The following WDR49 variants were observed in gnomAD, a reference collection of about 807,000 sequenced individuals.
The protein encoded by WDR49 is cilia- and flagella-associated protein 337.
In WDR49, 107 loss-of-function variants were observed where a neutral mutation model predicts 119.5. The ratio of observed to expected loss-of-function variants is 0.90; its 90% CI spans 0.77 to 1.05. The LOEUF (loss-of-function observed/expected upper bound fraction) is 1.05. Ranked by LOEUF, WDR49 falls within the 50% of genes least tolerant of loss-of-function variation. The pLI is 0.00. For missense variants in WDR49, 1,240 were observed against 1,220.5 expected (o/e 1.02, Z -0.24); for synonymous variants, 425 against 418.8 (o/e 1.01, Z -0.18).
chr3:167,536,966 G>T lies in WDR49; in HGVS notation c.1858C>A (p.Gln620Lys). 6.3e-7 allele frequency: 1 copy of T among 1,590,922 alleles called. No individual in the cohort carries two copies. Among genetic ancestry groups the T allele is most frequent in the East Asian group, 2.3e-5 (1 of 43,104 alleles). Residue 620 changes from glutamine (Q) to lysine (K), a missense_variant, in exon 11 of 19, where the codon CAA (glutamine) becomes AAA (lysine). Physicochemically the swap from Gln to Lys is moderately conservative, Grantham distance 53. Transcript: ENST00000682715. ...CATTCTTCAGGCTGGATGAAAAATTGATTGAAGTTTTGGGGTCGAAACACA... is the reference window on the plus strand; with the variant it reads ...CATTCTTCAGGCTGGATGAAAAATTTATTGAAGTTTTGGGGTCGAAACACA... ...ITVFRPQNFNQFFIQPEEWKG... is the reference protein window; with the variant it reads ...ITVFRPQNFNKFFIQPEEWKG...
intron 2 of WDR49, among the ~76,000 whole-genome samples, chr3:167,644,588 T>C (rs1175928500): frequency 6.6e-6 from 1 of 152,162 alleles, no homozygotes; most frequent in Admixed American, 6.6e-5. Context: ...AGTTGATGAA[T>C]ATTTGGGTTA....
intron 18 of WDR49, among the ~76,000 whole-genome samples, chr3:167,487,027 C>T (rs1387565697): frequency 6.6e-6 from 1 of 151,924 alleles, no homozygotes; most frequent in Non-Finnish European, 1.5e-5. Flanking sequence ...AAAAACTATT[C>T]TAAAATTCAC....
chr3:167,574,472 C>G (rs750303338), intron 8 of WDR49, among the ~76,000 whole-genome samples: 4 of 152,162 alleles, frequency 2.6e-5, no homozygotes, highest in Non-Finnish European at 5.9e-5. Context: ...ATACACAGCT[C>G]TATGTGCTTT....
At chr3:167,600,955 A>G (rs1485074245) in intron 7 of WDR49, among the ~76,000 whole-genome samples, 1 of 152,194 alleles carries the variant, frequency 6.6e-6, no homozygotes, top group Non-Finnish European at 1.5e-5. Flanking sequence ...AGAATTTGAG[A>G]GTTCATATTT....
At chr3:167,496,107 G>T (rs562936076) in intron 18 of WDR49, among the ~76,000 whole-genome samples, 26 of 151,988 alleles carry the variant, frequency 1.7e-4, no homozygotes, top group African/African-American at 6.0e-4. Flanking sequence ...CCATAAGAAG[G>T]AATAAAGAGC....
In WDR49 at chr3:167,568,046, C is replaced by T. The variant is rs140367292; in HGVS notation, c.1510-7818G>A. Among the ~76,000 whole-genome samples, 11 of 152,268 alleles carry T rather than the reference C, an allele frequency of 7.2e-5. No homozygotes were observed. The East Asian group carries it at 1.7e-3, about 24-fold the overall frequency. On this transcript the variant is annotated intron_variant, in intron 8 of 18. Coordinates refer to ENST00000682715, the MANE Select transcript of WDR49 (RefSeq NM_001366157.1). Reference sequence around the variant, plus strand: ...CACAAAATAACAGAGTTGGTCTATCCCTTCCTGCCTTAAATCCTGATGCTT... The same window carrying T: ...CACAAAATAACAGAGTTGGTCTATCTCTTCCTGCCTTAAATCCTGATGCTT...
intron 7 of WDR49, among the ~76,000 whole-genome samples, chr3:167,582,815 G>T (rs1446442247): frequency 6.6e-6 from 1 of 152,080 alleles, no homozygotes; most frequent in Non-Finnish European, 1.5e-5. Flanking sequence ...GGACATTATA[G>T]TGCAGGCCTG....
chr3:167,558,777 T>C (rs957265529), intron 9 of WDR49, among the ~76,000 whole-genome samples: 8 of 152,192 alleles, frequency 5.3e-5, no homozygotes, highest in Admixed American at 3.3e-4. Context: ...CTAGATTCTA[T>C]ACCCAGTTAC....
intron 12 of WDR49, among the ~76,000 whole-genome samples, chr3:167,531,916 T>C (rs1032116588): frequency 1.3e-5 from 2 of 152,186 alleles, no homozygotes; most frequent in Non-Finnish European, 2.9e-5. Flanking sequence ...TCATGTCTTT[T>C]AGAAATTTGA....
At chr3:167,565,192 A>AT (rs1713521748) in intron 8 of WDR49, among the ~76,000 whole-genome samples, 2 of 152,118 alleles carry the variant, frequency 1.3e-5, no homozygotes, top group Middle Eastern at 6.8e-3. Flanking sequence ...TGCTTAGTGG[A>AT]TTTTTTCTCT....
chr3:167,478,890 T>C lies in WDR49; in HGVS notation c.3138A>G (p.Lys1046=). The change falls in exon 19 of 19, where the codon AAA becomes AAG. Residue 1046 remains lysine, a synonymous_variant. Coordinates refer to ENST00000682715, the MANE Select transcript of WDR49 (RefSeq NM_001366157.1). ...LCQEKSCEVK[K]NKK ...TTTTCTGTTGTAATTACTTCTTATT[T>C]TTCTTCACTTCACAACTTTTTTCTT... 6.2e-7 allele frequency: 1 copy of C among 1,603,698 alleles called. No individual in the cohort carries two copies.
chr3:167,490,953 A>G (rs1751111065), intron 18 of WDR49, among the ~76,000 whole-genome samples: 1 of 151,942 alleles, frequency 6.6e-6, no homozygotes, highest in Non-Finnish European at 1.5e-5. Context: ...ACATTTAACT[A>G]CAACTTTCCA....
intron 5 of WDR49, among the ~76,000 whole-genome samples, chr3:167,615,644 A>G (rs1469694081): frequency 6.6e-6 from 1 of 152,122 alleles, no homozygotes; most frequent in Non-Finnish European, 1.5e-5. Flanking sequence ...ACTAATAGGA[A>G]TTATTAATTA....
intron 15 of WDR49, among the ~76,000 whole-genome samples, chr3:167,523,587 C>T (rs150901243): frequency 6.6e-6 from 1 of 152,204 alleles, no homozygotes; most frequent in East Asian, 1.9e-4. Flanking sequence ...TGATGTTCCT[C>T]TCCCTGTGTC....
At chr3:167,520,098 T>TGTGTGC (rs1553862267) in intron 16 of WDR49, among the ~76,000 whole-genome samples, 3 of 151,470 alleles carry the variant, frequency 2.0e-5, no homozygotes, top group Non-Finnish European at 4.4e-5. Context: ...TGTGTGTGTG[T>TGTGTGC]GCAAACTGGG....
At chr3:167,554,921 C>A (rs1577236626) in intron 9 of WDR49, 123 bp from the exon 10 acceptor site, 2 of 674,066 alleles carry the variant, frequency 3.0e-6, no homozygotes, top group Non-Finnish European at 4.9e-6. Context: ...TGAATTTTGC[C>A]ACTATATTAC....
intron 7 of WDR49, among the ~76,000 whole-genome samples, chr3:167,594,547 A>G (rs1420790184): frequency 6.6e-6 from 1 of 152,176 alleles, no homozygotes; most frequent in East Asian, 1.9e-4. Context: ...TATTCATTCC[A>G]AAGAGATAGT....
chr3:167,640,692 G>A (rs1717840688), intron 2 of WDR49, among the ~76,000 whole-genome samples: 1 of 151,792 alleles, frequency 6.6e-6, no homozygotes, highest in Non-Finnish European at 1.5e-5. Context: ...AATCAAGAAA[G>A]AACAGGGATC....
At chr3:167,615,907 C>T (rs1044053707) in intron 5 of WDR49, among the ~76,000 whole-genome samples, 3 of 152,186 alleles carry the variant, frequency 2.0e-5, no homozygotes, top group East Asian at 3.8e-4. Flanking sequence ...TCATAGTGCA[C>T]AATACCATGT....
Sources: allele counts gnomAD v4.1 joint callset (sites outside exome capture counted in the v4.1 genomes callset), GRCh38; gene constraint gnomAD v4.1.1; transcripts MANE v1.5; gene names NCBI Gene and HGNC (gene_info 2026-07-23, HGNC 2026-07-21).